Variants in DPYD observed in about 807,000 individuals in gnomAD.
DPYD encodes the protein dihydropyrimidine dehydrogenase.
DPYD carries 109 observed loss-of-function variants against 116.2 expected under a neutral mutation model. The ratio of observed to expected loss-of-function variants is 0.94; its 90% CI spans 0.80 to 1.10. DPYD has a LOEUF of 1.10. DPYD is among the 50% of genes least tolerant of loss of function. The pLI, the probability that DPYD is intolerant of heterozygous loss-of-function variation, is 0.00. For missense variants in DPYD, 1,302 were observed against 1,254.5 expected, an observed-to-expected ratio of 1.04 and a Z score of -0.57; for synonymous variants, 440 against 432.0, an observed-to-expected ratio of 1.02 and a Z score of -0.23.
At chr1:97,710,430 T>C (rs1662217250) in intron 5 of DPYD, among the ~76,000 whole-genome samples, 1 of 151,798 alleles carries the variant, frequency 6.6e-6, no homozygotes, top group African/African-American at 2.4e-5. Context: ...ATAGTTTTCT[T>C]CATAACAATT....
chr1:97,361,652 A>G (rs1341115274), intron 16 of DPYD, among the ~76,000 whole-genome samples: 3 of 152,238 alleles, frequency 2.0e-5, no homozygotes, highest in African/African-American at 7.2e-5. Context: ...GGTTCAACAT[A>G]CGCAAATCAA....
rs922520100 is a variant in DPYD, at chr1:97,901,303, G to T, written c.40-17929C>A. ...ATTTTAATGTAGTAACTCAACGATT[G>T]CTGCATATTCACTGTAAATACTGAA... On this transcript the variant is annotated intron_variant, in intron 1 of 22. Transcript: ENST00000370192. 2.6e-5 allele frequency among the ~76,000 whole-genome samples: 4 copies of T among 151,824 alleles called. No individual in the cohort carries two copies. The South Asian group carries it at 8.3e-4, about 31-fold the overall frequency.
At chr1:97,665,130 A>G (rs549612283) in intron 8 of DPYD, among the ~76,000 whole-genome samples, 37 of 152,262 alleles carry the variant, frequency 2.4e-4, no homozygotes, top group Non-Finnish European at 2.9e-4. Context: ...AGAATGGGAA[A>G]AAAGGCACAA....
chr1:97,173,288 ATG>A lies in DPYD; in HGVS notation c.2622+19779_2622+19780del, dbSNP rs1389741392. 3.2e-4 allele frequency among the ~76,000 whole-genome samples: 22 copies of A among 69,570 alleles called. No homozygotes were observed. In the East Asian group the frequency reaches 3.4e-3, roughly 11 times the overall value. 45.6% of individuals were successfully genotyped at this position (69,570 alleles called of 152,430 possible). A position where few individuals can be genotyped will look rare whatever the true frequency, so the allele number is the denominator to read the frequency against. On this transcript the variant is annotated intron_variant, in intron 20 of 22. Transcript: ENST00000370192. ...TATGTACATATATATGCACACATAT[ATG>A]TACACATATGTACATATATATGCAC...
intron 4 of DPYD, among the ~76,000 whole-genome samples, chr1:97,739,167 TAGC>T (rs1296812730): frequency 6.6e-6 from 1 of 152,132 alleles, no homozygotes; most frequent in Non-Finnish European, 1.5e-5. Flanking sequence ...ATTTTATAAA[TAGC>T]AGTTTACTTC....
chr1:97,392,865 T>C (rs1672789001), intron 14 of DPYD, among the ~76,000 whole-genome samples: 1 of 152,020 alleles, frequency 6.6e-6, no homozygotes, highest in Non-Finnish European at 1.5e-5. Flanking sequence ...AAGTCTTGAA[T>C]CCCTCACAAG....
At chr1:97,656,784 T>C (rs1315425546) in intron 8 of DPYD, among the ~76,000 whole-genome samples, 1 of 152,022 alleles carries the variant, frequency 6.6e-6, no homozygotes, top group East Asian at 1.9e-4. Context: ...CGATAAATTG[T>C]ATCATACTTT....
intron 19 of DPYD, among the ~76,000 whole-genome samples, chr1:97,224,453 C>A (rs1462030397): frequency 2.0e-5 from 3 of 151,930 alleles, no homozygotes; most frequent in African/African-American, 7.2e-5. Context: ...CAAATGATCA[C>A]TACAGTCAAG....
intron 20 of DPYD, among the ~76,000 whole-genome samples, chr1:97,185,082 A>G (rs568623167): frequency 6.6e-6 from 1 of 152,238 alleles, no homozygotes; most frequent in South Asian, 2.1e-4. Context: ...TGGATGTTGG[A>G]TTTTGTCAAA....
In DPYD at chr1:97,883,269, A is replaced by G; in HGVS notation, c.145T>C (p.Cys49Arg). The G allele has an allele frequency of 6.2e-7, 1 of 1,603,224 alleles. No homozygotes were observed. Among genetic ancestry groups the G allele is most frequent in the Non-Finnish European group, 8.5e-7 (1 of 1,170,560 alleles). ...AGTGTATCAGTGGTACTTACAAAGC[A>G]GTTCTTATCAGGATTTCTTTTCCAA... is the stretch of plus-strand genomic sequence containing the variant. Reference protein sequence around the residue: ...KHWKRNPDKNCFNCEKLENNF... With the variant: ...KHWKRNPDKNRFNCEKLENNF... Residue 49 changes from cysteine to arginine, a missense_variant, in exon 2 of 23, where the codon TGC becomes CGC. Coordinates refer to ENST00000370192, the MANE Select transcript of DPYD (RefSeq NM_000110.4).
chr1:97,911,850 G>A (rs956230923), intron 1 of DPYD, among the ~76,000 whole-genome samples: 1 of 152,000 alleles, frequency 6.6e-6, no homozygotes, highest in Admixed American at 6.6e-5. Context: ...ACAATAATCT[G>A]AGGTTTATGA....
At chr1:97,477,020 C>T (rs1473314582) in intron 13 of DPYD, among the ~76,000 whole-genome samples, 1 of 152,178 alleles carries the variant, frequency 6.6e-6, no homozygotes, top group Non-Finnish European at 1.5e-5. Context: ...GAAAGTCTGG[C>T]TTTGATGTTG....
intron 1 of DPYD, among the ~76,000 whole-genome samples, chr1:97,900,325 C>T (rs1447493608): frequency 6.6e-6 from 1 of 151,868 alleles, no homozygotes; most frequent in Non-Finnish European, 1.5e-5. Flanking sequence ...CTTTAAGCCG[C>T]TTTTAGCAAT....
intron 18 of DPYD, among the ~76,000 whole-genome samples, chr1:97,236,955 G>A (rs1195860322): frequency 6.6e-6 from 1 of 152,014 alleles, no homozygotes; most frequent in African/African-American, 2.4e-5. Flanking sequence ...GGTGGCTCAC[G>A]CCTATAATCC....
intron 16 of DPYD, among the ~76,000 whole-genome samples, chr1:97,323,491 ATACATATCATATG>A (rs1412306721): frequency 8.7e-6 from 1 of 114,660 alleles, no homozygotes; most frequent in Non-Finnish European, 2.0e-5. Flanking sequence ...ACACGTATAT[ATACATATCATATG>A]TACATATGTG....
intron 21 of DPYD, among the ~76,000 whole-genome samples, chr1:97,094,895 C>T (rs10157336): frequency 0.013 from 1,913 of 152,210 alleles, 15 homozygotes; most frequent in Non-Finnish European, 0.023. Context: ...TATGAGACTA[C>T]ACGCTGCTCT....
rs987751454 is a variant in DPYD, at chr1:97,764,958, G to A, written c.234-24479C>T. Among the ~76,000 whole-genome samples, 3 of 152,032 alleles carry A rather than the reference G, an allele frequency of 2.0e-5. No individual in the cohort carries two copies. In the East Asian group the frequency reaches 5.8e-4, roughly 29 times the overall value. ...TAAGTATACTTTGATTAAGTTCTAC[G>A]TGAACTAATATTCTCATATGTTTGA... On this transcript the variant is annotated intron_variant, in intron 3 of 22. Transcript: ENST00000370192.
rs1323675756 is a variant in DPYD, at chr1:97,920,946, T to G, written c.-24A>C. 8 of 1,576,022 alleles carry G rather than the reference T, an allele frequency of 5.1e-6. No individual in the cohort carries two copies. The highest frequency in any genetic ancestry group is 6.9e-6 in the Non-Finnish European group (8 of 1,161,216). On this transcript the variant is annotated 5_prime_UTR_variant, in exon 1 of 23. Coordinates refer to ENST00000370192, the MANE Select transcript of DPYD (RefSeq NM_000110.4). ...ATGGCAGTGCCTACAGTCTCGAGTC[T>G]GCCAGTGACAAACCCTCCTTGCGTC...
In DPYD at chr1:97,897,681, T is replaced by C. The variant is rs544976968; in HGVS notation, c.40-14307A>G. Among the ~76,000 whole-genome samples the C allele has an allele frequency of 5.9e-5, 9 of 152,034 alleles. No homozygotes were observed. In the South Asian group the frequency reaches 1.5e-3, roughly 25 times the overall value. The stretch of plus-strand genomic sequence containing the variant: ...CAGTGTGTTTTTCATCTCCTTACAG[T>C]TGCCATCTTTAGAAGTTCAATTTGG... On this transcript the variant is annotated intron_variant, in intron 1 of 22. Transcript: ENST00000370192.
Sources: allele counts gnomAD v4.1 joint callset (sites outside exome capture counted in the v4.1 genomes callset), GRCh38; gene constraint gnomAD v4.1.1; transcripts MANE v1.5; gene names NCBI Gene and HGNC (gene_info 2026-07-23, HGNC 2026-07-21).